The following PARD3B variants were observed in gnomAD, a reference collection of about 807,000 sequenced individuals.
PARD3B encodes the protein par-3 family cell polarity regulator beta.
Under a neutral mutation model 130.2 loss-of-function variants are expected in PARD3B, and 103 were observed. The ratio of observed to expected loss-of-function variants is 0.79; its 90% CI spans 0.67 to 0.93. The LOEUF is 0.93. Ranked by LOEUF, PARD3B falls within the 40% of genes least tolerant of loss-of-function variation. The pLI, the probability that PARD3B is intolerant of heterozygous loss-of-function variation, is 0.00. For synonymous variants in PARD3B, 583 were observed against 553.2 expected, an observed-to-expected ratio of 1.05 and a Z score of -0.76; for missense variants, 1,609 against 1,499.2, an observed-to-expected ratio of 1.07 and a Z score of -1.21.
At chr2:205,250,604 T>C (rs192098289) in intron 16 of PARD3B, among the ~76,000 whole-genome samples, 3 of 152,194 alleles carry the variant, frequency 2.0e-5, no homozygotes, top group Admixed American at 1.3e-4. Context: ...TAACACAGTT[T>C]GATGAAAAAA....
chr2:205,080,899 G>A (rs903102020), intron 4 of PARD3B, among the ~76,000 whole-genome samples: 6 of 152,020 alleles, frequency 3.9e-5, no homozygotes, highest in Admixed American at 2.0e-4. Context: ...CTCTTCATAT[G>A]TTTGTTGGCC....
chr2:204,866,699 G>A (rs546822818), intron 2 of PARD3B, among the ~76,000 whole-genome samples: 1 of 151,784 alleles, frequency 6.6e-6, no homozygotes, highest in Admixed American at 6.6e-5. Flanking sequence ...GTATATATAT[G>A]TTTATGTATG....
At chr2:205,349,474 A>T (rs1230880298) in intron 18 of PARD3B, among the ~76,000 whole-genome samples, 3 of 152,138 alleles carry the variant, frequency 2.0e-5, no homozygotes, top group Non-Finnish European at 4.4e-5. Context: ...TTCATCAATA[A>T]TTTTTTTCAA....
intron 1 of PARD3B, among the ~76,000 whole-genome samples, chr2:204,565,719 T>C (rs2031633664): frequency 6.6e-6 from 1 of 152,138 alleles, no homozygotes; most frequent in Non-Finnish European, 1.5e-5. Context: ...GAAATACCTA[T>C]CAAAATCTCA....
chr2:204,594,683 G>A (rs1030969064), intron 1 of PARD3B, among the ~76,000 whole-genome samples: 1 of 152,172 alleles, frequency 6.6e-6, no homozygotes, highest in Middle Eastern at 3.2e-3. Flanking sequence ...TGCTTCTGAA[G>A]TGAAAGTCAT....
chr2:205,177,605 A>G (rs927913113), intron 13 of PARD3B, among the ~76,000 whole-genome samples: 11 of 152,200 alleles, frequency 7.2e-5, no homozygotes, highest in African/African-American at 2.7e-4. Context: ...AAGAAGTTCC[A>G]AGCTGTGAAA....
intron 13 of PARD3B, among the ~76,000 whole-genome samples, chr2:205,178,230 A>C (rs76380556): frequency 2.5e-5 from 2 of 79,092 alleles, no homozygotes; most frequent in East Asian, 6.9e-4. Context: ...ATGGGGGGGG[A>C]AAAAAAAAAG....
At chr2:205,131,666 T>C (rs1483999000) in intron 10 of PARD3B, among the ~76,000 whole-genome samples, 1 of 152,116 alleles carries the variant, frequency 6.6e-6, no homozygotes, top group Non-Finnish European at 1.5e-5. Flanking sequence ...AAAAAGAGAC[T>C]TGAGAATTGA....
intron 20 of PARD3B, among the ~76,000 whole-genome samples, chr2:205,477,804 TAGAC>T (rs1344356294): frequency 6.6e-6 from 1 of 152,214 alleles, no homozygotes; most frequent in Non-Finnish European, 1.5e-5. Context: ...GTTTGTGAAA[TAGAC>T]AGAAAGGGAA....
At chr2:204,807,642 T>C (rs954214255) in intron 2 of PARD3B, among the ~76,000 whole-genome samples, 19 of 152,104 alleles carry the variant, frequency 1.2e-4, no homozygotes, top group African/African-American at 4.3e-4. Flanking sequence ...ATATACACAG[T>C]GCATTATTCA....
intron 22 of PARD3B, among the ~76,000 whole-genome samples, chr2:205,561,496 TACA>T (rs2053135162): frequency 6.6e-6 from 1 of 152,210 alleles, no homozygotes; most frequent in South Asian, 2.1e-4. Flanking sequence ...AACTTCTCTG[TACA>T]ACAAGTACTT....
chr2:205,102,486 A>G (rs1289393807), intron 4 of PARD3B, among the ~76,000 whole-genome samples: 1 of 152,006 alleles, frequency 6.6e-6, no homozygotes, highest in African/African-American at 2.4e-5. Context: ...GCATATATCA[A>G]GCCCTTCATA....
At chr2:205,505,015 A>T (rs1379420989) in intron 21 of PARD3B, among the ~76,000 whole-genome samples, 1 of 152,258 alleles carries the variant, frequency 6.6e-6, no homozygotes, top group East Asian at 1.9e-4. Context: ...GATAGACTGG[A>T]TTAAGAAAAT....
At chr2:204,690,854 G>A (rs2037321284) in intron 2 of PARD3B, among the ~76,000 whole-genome samples, 1 of 152,104 alleles carries the variant, frequency 6.6e-6, no homozygotes. Flanking sequence ...GATCCTGCAG[G>A]ATGAGATAAA....
In PARD3B at chr2:204,610,446, C is replaced by T. The variant is rs551780718; in HGVS notation, c.120+64327C>T. Among the ~76,000 whole-genome samples, 1 of 152,158 alleles carries T rather than the reference C, an allele frequency of 6.6e-6. No individual in the cohort carries two copies. Among genetic ancestry groups the T allele is most frequent in the South Asian group, 2.1e-4 (1 of 4,828 alleles). On this transcript the variant is annotated intron_variant, in intron 1 of 22. Coordinates refer to ENST00000406610, the MANE Select transcript of PARD3B (RefSeq NM_001302769.2). This position sits in a 1 kb window ranked among gnomAD's most constrained non-coding sequence, Gnocchi z 4.1. ...TCTTGGCTTACTGCAACCTCGACCT[C>T]CCATGTTAAAGCGATTCTCCTGCGT...
intron 2 of PARD3B, among the ~76,000 whole-genome samples, chr2:204,909,316 C>G (rs2047149023): frequency 6.6e-6 from 1 of 152,150 alleles, no homozygotes; most frequent in Non-Finnish European, 1.5e-5. Flanking sequence ...TGCACACACA[C>G]ATACAGATGT....
In PARD3B at chr2:205,553,290, G is replaced by A. The variant is rs191106049; in HGVS notation, c.3181-34G>A. 3.2e-5 allele frequency: 50 copies of A among 1,585,270 alleles called. No individual in the cohort carries two copies. The East Asian group carries it at 1.1e-3, about 33-fold the overall frequency. On this transcript the variant is annotated intron_variant, in intron 21 of 22. Transcript: ENST00000406610. ...ATTGTCAGTAACCAAGGTGTATAATGGATCTTCATCTCTAATTGCTTTTCT... is the reference window on the plus strand; with the variant it reads ...ATTGTCAGTAACCAAGGTGTATAATAGATCTTCATCTCTAATTGCTTTTCT...
At chr2:205,609,459 G>C (rs1193242708) in intron 22 of PARD3B, among the ~76,000 whole-genome samples, 1 of 152,100 alleles carries the variant, frequency 6.6e-6, no homozygotes, top group Non-Finnish European at 1.5e-5. Flanking sequence ...ACAGCTCACA[G>C]GAGTTTTACA....
In PARD3B at chr2:205,253,534, A is replaced by G. The variant is rs1372671227; in HGVS notation, c.2185+7712A>G. 1.9e-6 allele frequency: 1 copy of G among 532,590 alleles called. No homozygotes were observed. The highest frequency in any genetic ancestry group is 1.9e-5 in the African/African-American group (1 of 52,344). 33.0% of individuals were successfully genotyped at this position (532,590 alleles called of 1,614,324 possible). A position where few individuals can be genotyped will look rare whatever the true frequency, so the allele number is the denominator to read the frequency against. ...AGCAGGAGAGACTCACACTGCTGTCATGGCCCCACAGCCTGGAGCCTCCCC... is the reference window on the plus strand; with the variant it reads ...AGCAGGAGAGACTCACACTGCTGTCGTGGCCCCACAGCCTGGAGCCTCCCC... On this transcript the variant is annotated intron_variant, in intron 16 of 22. Transcript: ENST00000406610. The surrounding 1 kb of genome is among the most constrained non-coding windows in gnomAD (Gnocchi z 4.4).
Sources: allele counts gnomAD v4.1 joint callset (sites outside exome capture counted in the v4.1 genomes callset), GRCh38; gene constraint gnomAD v4.1.1; non-coding constraint Gnocchi (gnomAD v3.1); transcripts MANE v1.5; gene names NCBI Gene and HGNC (gene_info 2026-07-23, HGNC 2026-07-21).